Variants in SYTL2 observed in about 807,000 individuals in gnomAD.
SYTL2 encodes the protein synaptotagmin like 2.
Under a neutral mutation model 198.7 loss-of-function variants are expected in SYTL2, and 165 were observed. The observed-to-expected ratio is 0.83, with a 90% CI of 0.73 to 0.94. SYTL2 has a LOEUF of 0.94. SYTL2 is among the 40% of genes least tolerant of loss of function. SYTL2 has a pLI of 0.00. For missense variants in SYTL2, 2,835 were observed against 2,582.8 expected, an observed-to-expected ratio of 1.10 and a Z score of -2.12; for synonymous variants, 966 against 917.7, an observed-to-expected ratio of 1.05 and a Z score of -0.95.
At chr11:85,715,497 T>C (rs556255587) in intron 11 of SYTL2, among the ~76,000 whole-genome samples, 1 of 151,974 alleles carries the variant, frequency 6.6e-6, no homozygotes, top group Non-Finnish European at 1.5e-5. Flanking sequence ...ATTAAGAAAA[T>C]AGGTAAAAAT....
At chr11:85,805,610 G>A (rs1277210050) in intron 1 of SYTL2, among the ~76,000 whole-genome samples, 2 of 152,204 alleles carry the variant, frequency 1.3e-5, no homozygotes, top group East Asian at 3.9e-4. Flanking sequence ...CCAGGCTCCT[G>A]TGGCCGGGAG....
chr11:85,820,694 G>GT, the SYTL2 span, among the ~76,000 whole-genome samples: 2 of 152,166 alleles, frequency 1.3e-5, no homozygotes, highest in African/African-American at 4.8e-5. Context: ...TAATCAATCA[G>GT]TAAGTATTGA....
intron 14 of SYTL2, 96 bp from the exon 15 acceptor site, chr11:85,707,627 A>T: frequency 1.2e-6 from 1 of 809,124 alleles, no homozygotes; most frequent in South Asian, 1.6e-5. Context: ...CAGCAGAAAT[A>T]ATTATTTCAT....
rs1460369917 is a variant in SYTL2 at position 85,734,272 on chromosome 11, C to G, written c.1057G>C (p.Glu353Gln). 1 of 1,614,226 alleles carries G rather than the reference C, an allele frequency of 6.2e-7. No homozygotes were observed. Among genetic ancestry groups the G allele is most frequent in the Non-Finnish European group, 8.5e-7 (1 of 1,180,020 alleles). ...PQSPGLIHGREVGEFSVLESD... is the reference protein window; with the variant it reads ...PQSPGLIHGRQVGEFSVLESD... Reference sequence around the variant, plus strand: ...TCTAAAACACTAAATTCTCCTACTTCCCGACCATGGATTAGCCCAGGACTC... The same window carrying G: ...TCTAAAACACTAAATTCTCCTACTTGCCGACCATGGATTAGCCCAGGACTC... Residue 353 changes from glutamate (E) to glutamine (Q), a missense_variant, in exon 7 of 20, where the codon GAA (glutamate) becomes CAA (glutamine). By Grantham distance (29) the Glu-to-Gln change is conservative (BLOSUM62 2). Transcript: ENST00000359152.
At chr11:85,848,617 T>G in the SYTL2 span, among the ~76,000 whole-genome samples, 2 of 152,254 alleles carry the variant, frequency 1.3e-5, no homozygotes, top group Non-Finnish European at 1.5e-5. Flanking sequence ...TGTACAAGTA[T>G]GTTTCTTGAT....
At chr11:85,820,027 T>A in the SYTL2 span, among the ~76,000 whole-genome samples, 1 of 152,238 alleles carries the variant, frequency 6.6e-6, no homozygotes, top group Non-Finnish European at 1.5e-5. Context: ...GCGCAGATCA[T>A]TTCATTTTAG....
At chr11:85,777,846 G>C (rs906155721) in intron 1 of SYTL2, among the ~76,000 whole-genome samples, 1 of 75,632 alleles carries the variant, frequency 1.3e-5, no homozygotes, top group African/African-American at 4.7e-5. Flanking sequence ...TTGAGACCGA[G>C]TTTTGCTCTT....
chr11:85,842,258 G>T, the SYTL2 span, among the ~76,000 whole-genome samples: 7 of 152,308 alleles, frequency 4.6e-5, no homozygotes, highest in Non-Finnish European at 1.0e-4. Flanking sequence ...GCTTCTTCCT[G>T]TAAGCACCTC....
intron 1 of SYTL2, among the ~76,000 whole-genome samples, chr11:85,770,998 G>A (rs1470009954): frequency 6.6e-6 from 1 of 152,170 alleles, no homozygotes; most frequent in African/African-American, 2.4e-5. Flanking sequence ...CTATCTTACT[G>A]AGTTGTCAAG....
the SYTL2 span, among the ~76,000 whole-genome samples, chr11:85,829,219 C>A: frequency 5.9e-5 from 9 of 152,200 alleles, no homozygotes; most frequent in Non-Finnish European, 1.3e-4. Flanking sequence ...GGTTTTTAAG[C>A]CCATGCCCTG....
At chr11:85,752,129 T>C (rs1170571883) in intron 2 of SYTL2, among the ~76,000 whole-genome samples, 1 of 152,118 alleles carries the variant, frequency 6.6e-6, no homozygotes, top group Non-Finnish European at 1.5e-5. Flanking sequence ...AGCTCGAACA[T>C]CACCTGCAGG....
At chr11:85,755,825 G>A (rs17148431) in intron 2 of SYTL2, among the ~76,000 whole-genome samples, 8,689 of 152,116 alleles carry the variant, frequency 0.057, 794 homozygotes, top group African/African-American at 0.19. Context: ...ACTATCTAGA[G>A]GGGCAGAATT....
chr11:85,716,309 T>C (rs535895351), intron 11 of SYTL2: 2 of 152,218 alleles, frequency 1.3e-5, no homozygotes, highest in Non-Finnish European at 2.9e-5. Context: ...AGAAGGCTTG[T>C]TTCATCTGCA....
At chr11:85,824,318 A>T in the SYTL2 span, among the ~76,000 whole-genome samples, 39,187 of 151,660 alleles carry the variant, frequency 0.26, 5,467 homozygotes, top group African/African-American at 0.3. Context: ...GGTATTACTG[A>T]CTGTTGGGTG....
rs1208963153 is a variant in SYTL2 at position 85,727,085 on chromosome 11, A to G, written c.2273T>C (p.Val758Ala). The change falls in exon 8 of 20, where the codon GTT (valine) becomes GCT (alanine). Residue 758 changes from valine (V) to alanine (A), a missense_variant. Physicochemically the swap from Val to Ala is moderately conservative, Grantham distance 64. Around this residue, in one of 3 missense-constraint regions of SYTL2, gnomAD observed 2,645 missense variants for 2,381.7 expected, o/e 1.11. Transcript: ENST00000359152. ...EPENIKSTPG[V>A]ANNGSPWKKP... ...CTTCCAAGGAGAGCCATTGTTGGCA[A>G]CCCCAGGTGTTGACTTAATATTCTC... 6.5e-7 allele frequency: 1 copy of G among 1,535,850 alleles called. No individual in the cohort carries two copies. Among genetic ancestry groups the G allele is most frequent in the East Asian group, 2.4e-5 (1 of 40,912 alleles).
chr11:85,818,860 T>C, the SYTL2 span, among the ~76,000 whole-genome samples: 7 of 152,252 alleles, frequency 4.6e-5, no homozygotes, highest in Admixed American at 4.6e-4. Context: ...CCAGCTAATA[T>C]TTTGTATTTA....
the SYTL2 span, among the ~76,000 whole-genome samples, chr11:85,833,747 T>TG: frequency 6.6e-6 from 1 of 150,494 alleles, no homozygotes; most frequent in Non-Finnish European, 1.5e-5. Context: ...TTTTTTTTTT[T>TG]TGAGACAGAG....
At chr11:85,773,452 G>A (rs1319023139) in intron 1 of SYTL2, among the ~76,000 whole-genome samples, 2 of 152,178 alleles carry the variant, frequency 1.3e-5, no homozygotes, top group Non-Finnish European at 2.9e-5. Context: ...CAGAGTCCAG[G>A]TGTCACCTCC....
rs5793172 is a variant in SYTL2 at position 85,802,220 on chromosome 11, C to CTTTT, written c.-390+8730_-390+8733dup. On this transcript the variant is annotated intron_variant, in intron 1 of 19. Coordinates refer to ENST00000359152, the MANE Select transcript of SYTL2 (RefSeq NM_206927.4). ...CACTCTCTTTTCTTCTTTTTCTTTTCTTTTTTTTTTTTTTTTTGTGAGCCG... is the reference window on the plus strand; with the variant it reads ...CACTCTCTTTTCTTCTTTTTCTTTTCTTTTTTTTTTTTTTTTTTTTTGTGAGCCG... Among the ~76,000 whole-genome samples the CTTTT allele has an allele frequency of 7.6e-4, 93 of 122,558 alleles. 1 individual carries two copies. Among genetic ancestry groups the CTTTT allele is most frequent in the African/African-American group, 2.5e-3 (83 of 32,572 alleles). The allele number at this position is 122,558 out of a possible 152,430, so 80.4% of individuals were successfully genotyped here. A position where few individuals can be genotyped will look rare whatever the true frequency, so the allele number is the denominator to read the frequency against.
Sources: allele counts gnomAD v4.1 joint callset (sites outside exome capture counted in the v4.1 genomes callset), GRCh38; gene constraint gnomAD v4.1.1; regional missense constraint gnomAD v4.1.1; transcripts MANE v1.5; gene names NCBI Gene and HGNC (gene_info 2026-07-23, HGNC 2026-07-21).